TMEM131: variants seen among roughly 807,000 people sequenced by gnomAD.
TMEM131 encodes the protein 2610524E03Rik.
TMEM131 carries 66 observed loss-of-function variants against 211.6 expected under a neutral mutation model. The observed-to-expected ratio is 0.31, with a 90% confidence interval of 0.26 to 0.38. The LOEUF is 0.38. Ranked by LOEUF, TMEM131 falls within the 10% of genes least tolerant of loss-of-function variation. The pLI, the probability that TMEM131 is intolerant of heterozygous loss-of-function variation, is 1.00. For missense variants in TMEM131, 2,036 were observed against 2,299.3 expected (o/e 0.89, Z 2.34); for synonymous variants, 844 against 841.3 (o/e 1.00, Z -0.06).
intron 18 of TMEM131, 74 bp downstream of exon 18, chr2:97,811,054 G>A: frequency 1.9e-6 from 2 of 1,043,556 alleles, no homozygotes; most frequent in Admixed American, 3.6e-5. Context: ...TTAATTCTTT[G>A]GTTTCATAAA....
At chr2:97,928,481 A>G (rs1335173311) in intron 1 of TMEM131, among the ~76,000 whole-genome samples, 1 of 151,882 alleles carries the variant, frequency 6.6e-6, no homozygotes. Flanking sequence ...CAAATTTTAA[A>G]AATTTATTTA....
chr2:97,835,521 G>A (rs1450313353), intron 8 of TMEM131, among the ~76,000 whole-genome samples: 1 of 152,106 alleles, frequency 6.6e-6, no homozygotes, highest in Non-Finnish European at 1.5e-5. Context: ...AAGACTTACT[G>A]GAAAAAAAAT....
At chr2:97,907,829 C>T (rs1398354164) in intron 3 of TMEM131, among the ~76,000 whole-genome samples, 16 of 152,270 alleles carry the variant, frequency 1.1e-4, no homozygotes, top group African/African-American at 3.6e-4. Flanking sequence ...TACTAAAGGG[C>T]GCTCACTAGA....
intron 3 of TMEM131, among the ~76,000 whole-genome samples, chr2:97,893,758 T>C (rs1282122527): frequency 6.6e-6 from 1 of 152,118 alleles, no homozygotes; most frequent in East Asian, 1.9e-4. Flanking sequence ...TAAATTTAAG[T>C]TCTTTGTAGA....
At chr2:97,812,977 G>A (rs1488271184) in intron 15 of TMEM131, among the ~76,000 whole-genome samples, 2 of 151,542 alleles carry the variant, frequency 1.3e-5, no homozygotes, top group East Asian at 3.9e-4. Context: ...GGGAAACACA[G>A]CGAGACTCCA....
At chr2:97,964,752 T>C (rs890318572) in intron 1 of TMEM131, among the ~76,000 whole-genome samples, 2 of 152,222 alleles carry the variant, frequency 1.3e-5, no homozygotes, top group African/African-American at 2.4e-5. Context: ...ACTATTCTTA[T>C]TTAATTCCAA....
At chr2:97,876,958 G>A (rs1364296162) in intron 4 of TMEM131, among the ~76,000 whole-genome samples, 2 of 152,124 alleles carry the variant, frequency 1.3e-5, no homozygotes, top group Admixed American at 6.5e-5. Context: ...AAACCCCATC[G>A]ACTCAGCCCA....
intron 13 of TMEM131, 102 bp from the exon 14 acceptor site, chr2:97,814,490 T>C (rs1371480285): frequency 3.5e-6 from 4 of 1,135,922 alleles, no homozygotes; most frequent in Non-Finnish European, 4.9e-6. Context: ...ACATTTAGCA[T>C]TAGGGATTGT....
Position 97,995,846 on chromosome 2 carries a change from G to C in TMEM131, c.-184C>G, listed in dbSNP as rs1047741451. The C allele has an allele frequency of 1.7e-5, 5 of 292,704 alleles. No homozygotes were observed. Among genetic ancestry groups the C allele is most frequent in the African/African-American group, 6.7e-5 (3 of 44,762 alleles). 18.1% of individuals were successfully genotyped at this position (292,704 alleles called of 1,614,324 possible). On this transcript the variant is annotated 5_prime_UTR_variant, in exon 1 of 41. Coordinates refer to ENST00000186436, the MANE Select transcript of TMEM131 (RefSeq NM_015348.2). ...TGCGTGCGTGTGAGCGAGAGTGTCAGTCACGGTCTTTGCCTGGGCATCGCC... is the reference window on the plus strand; with the variant it reads ...TGCGTGCGTGTGAGCGAGAGTGTCACTCACGGTCTTTGCCTGGGCATCGCC...
intron 4 of TMEM131, among the ~76,000 whole-genome samples, chr2:97,861,181 T>C (rs995634250): frequency 2.6e-4 from 38 of 148,652 alleles, no homozygotes; most frequent in Admixed American, 9.2e-4. Flanking sequence ...CCTAAATAAA[T>C]TTGAAAGGCA....
intron 2 of TMEM131, among the ~76,000 whole-genome samples, chr2:97,924,700 CA>C (rs1676907383): frequency 6.6e-6 from 1 of 152,090 alleles, no homozygotes; most frequent in Admixed American, 6.5e-5. Flanking sequence ...AAGGTGATTC[CA>C]ATGCGGAGCT....
chr2:97,814,299 G>A lies in TMEM131; in HGVS notation c.1382C>T (p.Thr461Ile), dbSNP rs201622776. The A allele has an allele frequency of 3.4e-4, 548 of 1,613,884 alleles. 2 individuals are homozygous for A. Among genetic ancestry groups the A allele is most frequent in the South Asian group, 6.3e-4 (57 of 91,080 alleles). Residue 461 changes from threonine to isoleucine, a missense_variant, in exon 14 of 41, where the codon ACT (threonine) becomes ATT (isoleucine). This residue lies in a region of TMEM131 where 1,623 missense variants were observed against 1,805.9 expected (regional missense o/e 0.90). Coordinates refer to ENST00000186436, the MANE Select transcript of TMEM131 (RefSeq NM_015348.2). ...GTGAATGAGGATCGCAAAACTGAAA[G>A]TGTTAGTAAGGTAAATTGGCCTTTC... ...PVERPIYLTN[T>I]FSFAILIHDV...
In TMEM131 at chr2:97,890,297, G is replaced by C. The variant is rs945630424; in HGVS notation, c.291-2177C>G. On this transcript the variant is annotated intron_variant, in intron 3 of 40. Coordinates refer to ENST00000186436, the MANE Select transcript of TMEM131 (RefSeq NM_015348.2). ...CAACAGTGGGAAGCAGGGAAGTCCT[G>C]GAGTGCTCCAGGCAACTGGTGACGG... 5.3e-5 allele frequency among the ~76,000 whole-genome samples: 8 copies of C among 152,232 alleles called. No individual in the cohort carries two copies. The East Asian group carries it at 1.5e-3, about 29-fold the overall frequency.
intron 2 of TMEM131, among the ~76,000 whole-genome samples, chr2:97,921,320 A>C (rs369765874): frequency 7.9e-5 from 12 of 152,340 alleles, no homozygotes; most frequent in African/African-American, 2.9e-4. Context: ...AAGAAATAAA[A>C]TCTTGATCTC....
At chr2:97,995,361 G>C (rs948636234) in intron 1 of TMEM131, 115 bp downstream of exon 1, 5 of 1,095,094 alleles carry the variant, frequency 4.6e-6, no homozygotes, top group Non-Finnish European at 5.8e-6. Flanking sequence ...GTACCCGACC[G>C]CCCAACTTTG....
chr2:97,981,028 C>CAAAAA lies in TMEM131; in HGVS notation c.187+14443_187+14447dup, dbSNP rs57606185. Among the ~76,000 whole-genome samples, 150 of 37,930 alleles carry CAAAAA rather than the reference C, an allele frequency of 4.0e-3. 6 individuals are homozygous for CAAAAA. Among genetic ancestry groups the CAAAAA allele is most frequent in the Non-Finnish European group, 4.8e-3 (104 of 21,658 alleles). 24.9% of individuals were successfully genotyped at this position (37,930 alleles called of 152,430 possible). The stretch of plus-strand genomic sequence containing the variant: ...TGCTGAAACTCACAGAACTACACAC[C>CAAAAA]AAAAAAAAAAAAAAAAAAAAAAAAA... On this transcript the variant is annotated intron_variant, in intron 1 of 40. Coordinates refer to ENST00000186436, the MANE Select transcript of TMEM131 (RefSeq NM_015348.2).
intron 1 of TMEM131, among the ~76,000 whole-genome samples, chr2:97,935,256 T>C (rs1032772054): frequency 4.6e-5 from 7 of 152,092 alleles, no homozygotes; most frequent in African/African-American, 1.7e-4. Context: ...ATCAGGATGG[T>C]GAAAATGAAA....
chr2:97,965,559 C>A (rs1405548885), intron 1 of TMEM131, among the ~76,000 whole-genome samples: 1 of 152,180 alleles, frequency 6.6e-6, no homozygotes, highest in African/African-American at 2.4e-5. Flanking sequence ...ATAGCTACCA[C>A]TTACTACCAA....
intron 38 of TMEM131, 133 bp from the exon 39 acceptor site, chr2:97,759,882 A>C: frequency 1.5e-6 from 1 of 672,120 alleles, no homozygotes; most frequent in Non-Finnish European, 2.7e-6. Context: ...AAACAGACAA[A>C]AGGAAGAGCT....
Sources: allele counts gnomAD v4.1 joint callset (sites outside exome capture counted in the v4.1 genomes callset), GRCh38; gene constraint gnomAD v4.1.1; regional missense constraint gnomAD v4.1.1; transcripts MANE v1.5; gene names NCBI Gene and HGNC (gene_info 2026-07-23, HGNC 2026-07-21).